VEPH1: variants seen among roughly 807,000 people sequenced by gnomAD.
VEPH1 encodes the protein ventricular zone-expressed PH domain-containing protein homolog 1.
VEPH1 carries 80 observed loss-of-function variants against 85.2 expected under a neutral mutation model. The ratio of observed to expected loss-of-function variants is 0.94; its 90% confidence interval spans 0.78 to 1.13. The LOEUF is 1.13. VEPH1 is among the 50% of genes most tolerant of loss of function. VEPH1 has a pLI of 0.00. For missense variants in VEPH1, 955 were observed against 980.5 expected (o/e 0.97, Z 0.35); for synonymous variants, 297 against 348.0 (o/e 0.85, Z 1.63).
intron 9 of VEPH1, among the ~76,000 whole-genome samples, chr3:157,318,803 T>C (rs1203767417): frequency 6.6e-6 from 1 of 151,970 alleles, no homozygotes; most frequent in Non-Finnish European, 1.5e-5. Flanking sequence ...TACTAGCTAC[T>C]TGGGAGGCAG....
At chr3:157,437,869 C>T in intron 4 of VEPH1, 1 of 1,503,872 alleles carries the variant, frequency 6.6e-7, no homozygotes, top group Non-Finnish European at 8.8e-7. Flanking sequence ...GCGAGCCGAC[C>T]TGCACGCGGT....
intron 2 of VEPH1, 53 bp from the exon 3 acceptor site, chr3:157,470,582 CA>C (rs1736845496): frequency 6.4e-6 from 10 of 1,563,318 alleles, no homozygotes; most frequent in Non-Finnish European, 8.8e-6. Flanking sequence ...AGTTATCCTT[CA>C]AAGGACAAAA....
At chr3:157,269,593 G>A (rs1053106908) in intron 12 of VEPH1, among the ~76,000 whole-genome samples, 8 of 146,614 alleles carry the variant, frequency 5.5e-5, no homozygotes, top group Middle Eastern at 3.6e-3. Context: ...TTTATATCCC[G>A]TATCTTAAAA....
chr3:157,336,635 T>C (rs1311294587), intron 9 of VEPH1, among the ~76,000 whole-genome samples: 1 of 152,184 alleles, frequency 6.6e-6, no homozygotes, highest in African/African-American at 2.4e-5. Context: ...GATAAACATG[T>C]TCAATCAGCT....
chr3:157,306,047 T>C (rs1719479697), intron 11 of VEPH1, among the ~76,000 whole-genome samples: 1 of 152,160 alleles, frequency 6.6e-6, no homozygotes, highest in African/African-American at 2.4e-5. Context: ...TCTTTACTCT[T>C]TGACATTAGT....
chr3:157,372,164 T>G (rs2108816560), intron 7 of VEPH1, among the ~76,000 whole-genome samples: 1 of 152,342 alleles, frequency 6.6e-6, no homozygotes, highest in Admixed American at 6.5e-5. Flanking sequence ...ACTCTTGGCA[T>G]TTGACACTGG....
At chr3:157,418,367 T>G (rs1490989528) in intron 5 of VEPH1, among the ~76,000 whole-genome samples, 1 of 152,172 alleles carries the variant, frequency 6.6e-6, no homozygotes, top group African/African-American at 2.4e-5. Flanking sequence ...TGGATATATC[T>G]TCCAGACCAT....
chr3:157,492,690 T>C (rs892092469), intron 2 of VEPH1, among the ~76,000 whole-genome samples: 2 of 152,196 alleles, frequency 1.3e-5, no homozygotes, highest in Admixed American at 6.5e-5. Flanking sequence ...TTCATCTGGC[T>C]AAGCAGAGGA....
Position 157,414,070 on chromosome 3 carries a change from A to G in VEPH1, c.717T>C (p.Pro239=), listed in dbSNP as rs765126787. ...KQLEVVQKCI[P]FLIGHLKDST... is the part of the protein sequence containing the mutation. Reference sequence around the variant, plus strand: ...AATCCTTCAAATGCCCAATTAGGAAAGGAATACACTTCTGAACTACCTATA... The same window carrying G: ...AATCCTTCAAATGCCCAATTAGGAAGGGAATACACTTCTGAACTACCTATA... Residue 239 remains proline, a synonymous_variant, in exon 6 of 14, where the codon CCT becomes CCC. Transcript: ENST00000362010. 3.1e-6 allele frequency: 5 copies of G among 1,612,016 alleles called. No homozygotes were observed. The highest frequency in any genetic ancestry group is 1.1e-5 in the South Asian group (1 of 91,002).
chr3:157,354,394 C>T (rs533735067), intron 9 of VEPH1, among the ~76,000 whole-genome samples: 13 of 152,140 alleles, frequency 8.5e-5, no homozygotes, highest in Non-Finnish European at 1.9e-4. Context: ...AACCCACCAG[C>T]ACTGCTGACA....
intron 6 of VEPH1, among the ~76,000 whole-genome samples, chr3:157,396,232 G>A (rs1346148849): frequency 6.6e-6 from 1 of 152,112 alleles, no homozygotes; most frequent in Non-Finnish European, 1.5e-5. Context: ...ATGACTTCCA[G>A]CTCCATCCAT....
intron 6 of VEPH1, among the ~76,000 whole-genome samples, chr3:157,402,627 A>C (rs915535584): frequency 4.6e-5 from 7 of 152,174 alleles, no homozygotes; most frequent in Non-Finnish European, 8.8e-5. Context: ...CCTTTATAGG[A>C]TCTATACTGC....
In VEPH1 at chr3:157,318,632, A is replaced by G. The variant is rs866637019; in HGVS notation, c.1736-1431T>C. On this transcript the variant is annotated intron_variant, in intron 9 of 13. Coordinates refer to ENST00000362010, the MANE Select transcript of VEPH1 (RefSeq NM_001167912.2). Reference sequence around the variant, plus strand: ...AAAAAAACAAAACAAAACAAAAAAAAAAAGAAAGAAAGAAAGAAAGAATGA... The same window carrying G: ...AAAAAAACAAAACAAAACAAAAAAAGAAAGAAAGAAAGAAAGAAAGAATGA... Among the ~76,000 whole-genome samples, 672 of 128,606 alleles carry G rather than the reference A, an allele frequency of 5.2e-3. 1 individual carries two copies. The highest frequency in any genetic ancestry group is 0.011 in the African/African-American group (422 of 38,686). 84.4% of individuals were successfully genotyped at this position (128,606 alleles called of 152,430 possible).
chr3:157,475,588 G>A (rs62280980), intron 2 of VEPH1, among the ~76,000 whole-genome samples: 25,996 of 152,078 alleles, frequency 0.17, 2,844 homozygotes, highest in East Asian at 0.36. Flanking sequence ...CAGGTGACCC[G>A]GACCCCTGTG....
chr3:157,318,645 A>AC (rs59816773), intron 9 of VEPH1, among the ~76,000 whole-genome samples: 1 of 135,994 alleles, frequency 7.4e-6, no homozygotes, highest in Non-Finnish European at 1.6e-5. Flanking sequence ...AGAAAGAAAG[A>AC]AAGAAAGAAT....
At chr3:157,363,202 G>GAAA (rs34308512) in intron 9 of VEPH1, 162 bp downstream of exon 9, 2,771 of 465,318 alleles carry the variant, frequency 6.0e-3, no homozygotes, top group East Asian at 0.012. Flanking sequence ...CTTTTCTTGG[G>GAAA]AAAAAAAAAA....
intron 4 of VEPH1, among the ~76,000 whole-genome samples, chr3:157,449,786 C>A (rs1188997669): frequency 6.6e-6 from 1 of 152,094 alleles, no homozygotes; most frequent in African/African-American, 2.4e-5. Flanking sequence ...CCACATCAAA[C>A]TCTCCCATCA....
At chr3:157,265,234 G>A (rs780482470) in intron 13 of VEPH1, among the ~76,000 whole-genome samples, 1 of 152,126 alleles carries the variant, frequency 6.6e-6, no homozygotes, top group Non-Finnish European at 1.5e-5. Context: ...TGTGTACGTG[G>A]TCCACAAGGA....
At chr3:157,372,102 A>T (rs779302059) in intron 7 of VEPH1, among the ~76,000 whole-genome samples, 6 of 152,238 alleles carry the variant, frequency 3.9e-5, no homozygotes, top group Non-Finnish European at 8.8e-5. Flanking sequence ...GTCTGGGCAC[A>T]GGAGCAAGCA....
Sources: allele counts gnomAD v4.1 joint callset (sites outside exome capture counted in the v4.1 genomes callset), GRCh38; gene constraint gnomAD v4.1.1; transcripts MANE v1.5; gene names NCBI Gene and HGNC (gene_info 2026-07-23, HGNC 2026-07-21).